Variants in SLC37A2 observed in about 807,000 individuals in gnomAD.
The protein encoded by SLC37A2 is solute carrier family 37 member 2.
A neutral mutation model predicts 70.7 loss-of-function variants in SLC37A2; 59 were observed. That is an observed-to-expected ratio of 0.83 (90% confidence interval 0.68 to 1.04). The LOEUF (loss-of-function observed/expected upper bound fraction) is 1.04, where lower values mean the gene tolerates loss of function less well. SLC37A2 is among the 50% of genes least tolerant of loss of function. The pLI is 0.00. For missense variants in SLC37A2, 580 were observed against 658.1 expected (o/e 0.88, Z 1.30); for synonymous variants, 257 against 262.1 (o/e 0.98, Z 0.19).
chr11:125,087,966 G>C, intron 17 of SLC37A2, 153 bp from the exon 18 acceptor site: 2 of 792,088 alleles, frequency 2.5e-6, no homozygotes. Context: ...GCTATTTCCT[G>C]CCTGAGAGGT....
At position 125,080,673 on chromosome 11, in the gene SLC37A2, C is replaced by T; in HGVS notation, c.587C>T (p.Ser196Phe). 1 of 1,585,940 alleles carries T rather than the reference C, an allele frequency of 6.3e-7. No homozygotes were observed. Among genetic ancestry groups the T allele is most frequent in the Non-Finnish European group, 8.6e-7 (1 of 1,165,468 alleles). The change falls in exon 7 of 18, where the codon TCC (serine) becomes TTC (phenylalanine). Residue 196 changes from serine (S) to phenylalanine (F), a missense_variant. Ser to Phe is a radical substitution (Grantham distance 155, BLOSUM62 -2). Transcript: ENST00000403796. The surrounding 1 kb of genome is among the most constrained non-coding windows in gnomAD (Gnocchi z 4.3). ...ACATCTGTGGGCAACATCCTGGGCT[C>T]CCTGATCGCCGGCATCTGGGTGAAC... ...SHTSVGNILG[S>F]LIAGIWVNGQ...
intron 4 of SLC37A2, among the ~76,000 whole-genome samples, chr11:125,078,135 G>A (rs902370963): frequency 5.3e-5 from 8 of 152,192 alleles, no homozygotes; most frequent in African/African-American, 1.7e-4. Context: ...TGGGTGCGGC[G>A]GTGCAGATGG....
At chr11:125,085,350 T>C in intron 14 of SLC37A2, 45 bp from the exon 15 acceptor site, 2 of 1,583,564 alleles carry the variant, frequency 1.3e-6, no homozygotes, top group African/African-American at 1.3e-5. Context: ...GTTCTGCTCA[T>C]GCTGCTGCTC....
chr11:125,085,341 T>C, intron 14 of SLC37A2, 54 bp from the exon 15 acceptor site: 1 of 1,561,134 alleles, frequency 6.4e-7, no homozygotes, highest in Non-Finnish European at 8.8e-7. Flanking sequence ...CCTGTCCTGG[T>C]TCTGCTCATG....
chr11:125,085,881 C>A, intron 16 of SLC37A2, 73 bp from the exon 17 acceptor site: 2 of 1,432,428 alleles, frequency 1.4e-6, no homozygotes, highest in South Asian at 1.1e-5. Flanking sequence ...GTCCACGGGT[C>A]ACCCTGGTGC....
At chr11:125,078,990 C>G (rs1044236628) in intron 4 of SLC37A2, 122 bp from the exon 5 acceptor site, 49 of 1,275,352 alleles carry the variant, frequency 3.8e-5, no homozygotes, top group Non-Finnish European at 5.1e-5. Context: ...CATGGCAACA[C>G]AGAAGTCATT....
intron 2 of SLC37A2, 45 bp downstream of exon 2, chr11:125,076,883 G>A (rs371813432): frequency 1.3e-4 from 213 of 1,593,144 alleles, no homozygotes; most frequent in Non-Finnish European, 1.7e-4. Flanking sequence ...GCACACTGTC[G>A]TAACCGTCCT....
intron 1 of SLC37A2, among the ~76,000 whole-genome samples, chr11:125,064,020 A>G (rs959287483): frequency 2.6e-5 from 4 of 152,194 alleles, no homozygotes; most frequent in African/African-American, 9.7e-5. Flanking sequence ...TCCTGACCGC[A>G]GGGACCACAT....
chr11:125,085,963 C>G lies in SLC37A2; in HGVS notation c.1435C>G (p.Arg479Gly). 6.2e-7 allele frequency: 1 copy of G among 1,614,090 alleles called. No homozygotes were observed. The highest frequency in any genetic ancestry group is 1.1e-5 in the South Asian group (1 of 91,068). Residue 479 changes from arginine to glycine, a missense_variant, in exon 17 of 18, where the codon CGG becomes GGG. Coordinates refer to ENST00000403796, the MANE Select transcript of SLC37A2 (RefSeq NM_001145290.2). ...ADVLACLLLC[R>G]LVYKEILAWK... is the part of the protein sequence containing the mutation. ...GCCTTGTGCTCCACAGCTCCTTTGC[C>G]GGTTAGTATACAAAGAGATCTTGGC...
At chr11:125,065,597 C>T (rs907662302) in intron 1 of SLC37A2, among the ~76,000 whole-genome samples, 13 of 152,104 alleles carry the variant, frequency 8.5e-5, no homozygotes, top group African/African-American at 3.1e-4. Context: ...CCAGTAAGCC[C>T]ATTTTCTTGG....
At chr11:125,086,121 C>T in intron 17 of SLC37A2, 103 bp downstream of exon 17, 2 of 1,530,616 alleles carry the variant, frequency 1.3e-6, no homozygotes, top group South Asian at 2.2e-5. Flanking sequence ...TCGACCAGCC[C>T]AGACCTGAGG....
intron 4 of SLC37A2, among the ~76,000 whole-genome samples, chr11:125,078,385 G>A (rs1949112647): frequency 6.6e-6 from 1 of 152,274 alleles, no homozygotes; most frequent in Non-Finnish European, 1.5e-5. Context: ...GAGTGATGCT[G>A]AGGTGGATGA....
At chr11:125,064,549 T>C (rs1019663510) in intron 1 of SLC37A2, among the ~76,000 whole-genome samples, 6 of 152,182 alleles carry the variant, frequency 3.9e-5, no homozygotes, top group African/African-American at 1.4e-4. Flanking sequence ...AATGAGACAA[T>C]TGGCTACCCT....
chr11:125,083,477 GGC>G lies in SLC37A2; in HGVS notation c.977-337_977-336del. 1 of 279,128 alleles carries G rather than the reference GGC, an allele frequency of 3.6e-6. No individual in the cohort carries two copies. Among genetic ancestry groups the G allele is most frequent in the Non-Finnish European group, 6.9e-6 (1 of 144,690 alleles). The allele number at this position is 279,128 out of a possible 1,614,324, so 17.3% of individuals were successfully genotyped here. On this transcript the variant is annotated intron_variant, in intron 10 of 17. Transcript: ENST00000403796. The surrounding 1 kb of genome is among the most constrained non-coding windows in gnomAD (Gnocchi z 4.6). ...TAGGGCCGGAGTGAAGCAGAGAAAG[GGC>G]TGGGCTGAGCTTCAGGTTGCGCTCC...
At chr11:125,086,503 G>T in intron 17 of SLC37A2, 1 of 518,210 alleles carries the variant, frequency 1.9e-6, no homozygotes. Flanking sequence ...TGCCCTCGGG[G>T]ACAGAGGAGG....
intron 1 of SLC37A2, among the ~76,000 whole-genome samples, chr11:125,067,541 C>T (rs538835724): frequency 6.6e-6 from 1 of 152,148 alleles, no homozygotes; most frequent in Non-Finnish European, 1.5e-5. Flanking sequence ...TATTTCCAAG[C>T]AATTGATCAA....
rs533835958 is a variant in SLC37A2, at chr11:125,077,637, A to G, written c.314+109A>G. Reference sequence around the variant, plus strand: ...GAATGAGCCCAGGGATGCTGCATGTACAATCCACCCACAGCCATCCTCCTT... The same window carrying G: ...GAATGAGCCCAGGGATGCTGCATGTGCAATCCACCCACAGCCATCCTCCTT... On this transcript the variant is annotated intron_variant, in intron 4 of 17. Coordinates refer to ENST00000403796, the MANE Select transcript of SLC37A2 (RefSeq NM_001145290.2). 3.5e-5 allele frequency: 28 copies of G among 795,216 alleles called. No individual in the cohort carries two copies. In the African/African-American group the frequency reaches 4.2e-4, roughly 12 times the overall value. 49.3% of individuals were successfully genotyped at this position (795,216 alleles called of 1,614,324 possible). A position where few individuals can be genotyped will look rare whatever the true frequency, so the allele number is the denominator to read the frequency against.
chr11:125,063,445 G>T lies in SLC37A2; in HGVS notation c.59+19G>T. 1.9e-6 allele frequency: 3 copies of T among 1,607,182 alleles called. No homozygotes were observed. Among genetic ancestry groups the T allele is most frequent in the Non-Finnish European group, 2.5e-6 (3 of 1,177,520 alleles). On this transcript the variant is annotated intron_variant, in intron 1 of 17. Transcript: ENST00000403796. The surrounding 1 kb of genome is among the most constrained non-coding windows in gnomAD (Gnocchi z 5.4). ...ACAGCTGGTGAGCGGGGCAGGGGAG[G>T]GAGGCGTGCCGGGACCTCCTGGGCT...
chr11:125,086,095 A>G, intron 17 of SLC37A2, 77 bp downstream of exon 17: 1 of 1,564,126 alleles, frequency 6.4e-7, no homozygotes, highest in Non-Finnish European at 8.8e-7. Flanking sequence ...CAGTTTCTCC[A>G]AACGCAGGCT....
Sources: allele counts gnomAD v4.1 joint callset (sites outside exome capture counted in the v4.1 genomes callset), GRCh38; gene constraint gnomAD v4.1.1; non-coding constraint Gnocchi (gnomAD v3.1); transcripts MANE v1.5; gene names NCBI Gene and HGNC (gene_info 2026-07-23, HGNC 2026-07-21).